The following SYNE1 variants were observed in gnomAD, a reference collection of about 807,000 sequenced individuals.
SYNE1 encodes nesprin-1.
A neutral mutation model predicts 1,111.0 loss-of-function variants in SYNE1; 616 were observed. The observed-to-expected ratio is 0.55, with a 90% CI of 0.52 to 0.59. The LOEUF (loss-of-function observed/expected upper bound fraction) is 0.59, where lower values mean the gene tolerates loss of function less well. SYNE1 is among the 20% of genes least tolerant of loss of function. The pLI, the probability that SYNE1 is intolerant of heterozygous loss-of-function variation, is 0.00. For synonymous variants in SYNE1, 3,855 were observed against 3,825.8 expected (o/e 1.01, Z -0.28); for missense variants, 10,006 against 10,417.0 (o/e 0.96, Z 1.72).
intron 5 of SYNE1, among the ~76,000 whole-genome samples, chr6:152,522,493 C>T (rs968270582): frequency 1.3e-5 from 2 of 152,098 alleles, no homozygotes; most frequent in Non-Finnish European, 2.9e-5. Context: ...CATATCTTTG[C>T]AATTGTGAAT....
chr6:152,263,297 G>A lies in SYNE1; in HGVS notation c.18816-1109C>T, dbSNP rs140343472. Among the ~76,000 whole-genome samples the A allele has an allele frequency of 1.4e-4, 22 of 152,212 alleles. No individual in the cohort carries two copies. In the East Asian group the frequency reaches 2.7e-3, roughly 19 times the overall value. On this transcript the variant is annotated intron_variant, in intron 100 of 145. Transcript: ENST00000367255. Reference sequence around the variant, plus strand: ...CACCTAGGAAGGTAGTACAGGACACGGAGGGATAGTGCAGAGAGATATGGG... The same window carrying A: ...CACCTAGGAAGGTAGTACAGGACACAGAGGGATAGTGCAGAGAGATATGGG...
At chr6:152,452,795 C>A (rs2098661984) in intron 25 of SYNE1, among the ~76,000 whole-genome samples, 1 of 152,222 alleles carries the variant, frequency 6.6e-6, no homozygotes, top group South Asian at 2.1e-4. Flanking sequence ...CAGCTCATCT[C>A]CCATGGTTCT....
At chr6:152,624,245 C>A (rs1360532385) in intron 3 of SYNE1, among the ~76,000 whole-genome samples, 6 of 152,098 alleles carry the variant, frequency 3.9e-5, no homozygotes, top group African/African-American at 1.4e-4. Context: ...CTGGCATTTA[C>A]CACTTTTTCT....
rs757651224 is a variant in SYNE1 at position 152,203,198 on chromosome 6, GT to G, written c.23020-1250del. 3.7e-4 allele frequency among the ~76,000 whole-genome samples: 57 copies of G among 152,250 alleles called. No individual in the cohort carries two copies. In the South Asian group the frequency reaches 4.8e-3, roughly 13 times the overall value. On this transcript the variant is annotated intron_variant, in intron 126 of 145. Coordinates refer to ENST00000367255, the MANE Select transcript of SYNE1 (RefSeq NM_182961.4). The stretch of plus-strand genomic sequence containing the variant: ...GAAATTTCATTTTTTACTCTGTATA[GT>G]TAAATTATTACCTAATTTTTAAAAA...
At chr6:152,496,339 A>T (rs1171814313) in intron 11 of SYNE1, among the ~76,000 whole-genome samples, 1 of 152,202 alleles carries the variant, frequency 6.6e-6, no homozygotes, top group Non-Finnish European at 1.5e-5. Flanking sequence ...AACATAAAAA[A>T]ACTCAAGGAT....
rs552203444 is a variant in SYNE1 at position 152,234,869 on chromosome 6, C to G, written c.20397-69G>C. On this transcript the variant is annotated intron_variant, in intron 110 of 145. Coordinates refer to ENST00000367255, the MANE Select transcript of SYNE1 (RefSeq NM_182961.4). ...CTATCTTCTACTCACCTACGTTACTCACCAATGCCAACAGTTTTAAAACGA... is the reference window on the plus strand; with the variant it reads ...CTATCTTCTACTCACCTACGTTACTGACCAATGCCAACAGTTTTAAAACGA... The G allele has an allele frequency of 1.2e-5, 18 of 1,547,258 alleles. No individual in the cohort carries two copies. In the African/African-American group the frequency reaches 1.9e-4, roughly 16 times the overall value.
chr6:152,471,789 T>C, intron 15 of SYNE1, 24 bp from the exon 16 acceptor site: 2 of 1,609,538 alleles, frequency 1.2e-6, no homozygotes, highest in Non-Finnish European at 1.7e-6. Flanking sequence ...AGGGAGAATT[T>C]ATAGAATGTA....
chr6:152,130,681 G>A (rs745602466), intron 145 of SYNE1, 39 bp downstream of exon 145: 1 of 1,609,188 alleles, frequency 6.2e-7, no homozygotes. Context: ...CATCCTCTTG[G>A]GGTTCTAGAA....
chr6:152,284,395 CTTAA>C (rs1352980055), intron 95 of SYNE1, among the ~76,000 whole-genome samples: 3 of 152,114 alleles, frequency 2.0e-5, no homozygotes, highest in African/African-American at 4.8e-5. Context: ...GTTTGAACAA[CTTAA>C]TTAATCTTTC....
At chr6:152,441,063 G>C in intron 32 of SYNE1, 67 bp downstream of exon 32, 1 of 1,571,014 alleles carries the variant, frequency 6.4e-7, no homozygotes, top group Non-Finnish European at 8.7e-7. Flanking sequence ...AATAATGGAG[G>C]AGAAATCATT....
chr6:152,476,348 G>C (rs539460628), intron 14 of SYNE1, among the ~76,000 whole-genome samples: 4 of 152,210 alleles, frequency 2.6e-5, no homozygotes, highest in African/African-American at 2.4e-5. Context: ...CCAAATCATA[G>C]TGTCATTTAT....
chr6:152,498,640 A>G, intron 11 of SYNE1, 102 bp downstream of exon 11: 1 of 714,860 alleles, frequency 1.4e-6, no homozygotes, highest in Non-Finnish European at 2.3e-6. Context: ...TATTAAGAGA[A>G]ATGTATACAT....
intron 56 of SYNE1, among the ~76,000 whole-genome samples, chr6:152,378,792 C>T (rs1039405766): frequency 1.3e-5 from 2 of 152,198 alleles, no homozygotes; most frequent in African/African-American, 4.8e-5. Context: ...TACACAGGAC[C>T]TTGCAGACAT....
chr6:152,429,108 T>TAAC (rs2098403695), intron 36 of SYNE1, among the ~76,000 whole-genome samples: 1 of 143,382 alleles, frequency 7.0e-6, no homozygotes, highest in Non-Finnish European at 1.6e-5. Flanking sequence ...ATAATAATAA[T>TAAC]AATAATAATA....
chr6:152,384,739 C>T (rs1182854587), intron 55 of SYNE1, among the ~76,000 whole-genome samples: 3 of 151,988 alleles, frequency 2.0e-5, no homozygotes, highest in East Asian at 3.9e-4. Flanking sequence ...GTTAGCCAGA[C>T]GTGGTGGTCA....
chr6:152,546,767 T>A (rs1416019045), intron 3 of SYNE1: 1 of 152,194 alleles, frequency 6.6e-6, no homozygotes, highest in Non-Finnish European at 1.5e-5. Flanking sequence ...CCTTTTCGGC[T>A]CTGTTTTACT....
chr6:152,433,043 T>C (rs572567110), intron 34 of SYNE1, among the ~76,000 whole-genome samples: 71 of 152,150 alleles, frequency 4.7e-4, no homozygotes, highest in African/African-American at 1.5e-3. Context: ...TTGGTATTTA[T>C]TTTACTATAT....
chr6:152,471,924 G>C, intron 15 of SYNE1, 159 bp from the exon 16 acceptor site: 2 of 732,876 alleles, frequency 2.7e-6, no homozygotes, highest in Non-Finnish European at 4.5e-6. Flanking sequence ...TTCTAGCTCT[G>C]GATTTAAAAG....
rs140679548 is a variant in SYNE1, at chr6:152,310,705, G to A, written c.16879C>T (p.Leu5627Phe). The change falls in exon 88 of 146, where the codon CTC (leucine) becomes TTC (phenylalanine). Residue 5627 changes from leucine (L) to phenylalanine (F), a missense_variant. Leu to Phe is a conservative substitution (Grantham distance 22). Around this residue, in one of 7 missense-constraint regions of SYNE1, gnomAD observed 4,955 missense variants for 5,017.2 expected, o/e 0.99. Transcript: ENST00000367255. Reference protein sequence around the residue: ...RQMIKIRLQNLQDAAKDMKKF... With the variant: ...RQMIKIRLQNFQDAAKDMKKF... ...TTTTTTACCTTAGCTGCATCTTGGA[G>A]GTTCTGCAAACGAATTTTGATCATC... 4.3e-6 allele frequency: 7 copies of A among 1,613,378 alleles called. No individual in the cohort carries two copies. Among genetic ancestry groups the A allele is most frequent in the Non-Finnish European group, 4.2e-6 (5 of 1,179,938 alleles).
Sources: gnomAD v4.1 joint callset for allele counts (sites outside exome capture counted in the v4.1 genomes callset) on GRCh38, gnomAD v4.1.1 for gene constraint, gnomAD v4.1.1 regional missense constraint, MANE v1.5 for transcripts, NCBI Gene and HGNC (gene_info 2026-07-23, HGNC 2026-07-21) for gene names.